MDGA2: variants seen among roughly 807,000 people sequenced by gnomAD.
MDGA2 encodes MAM domain-containing glycosylphosphatidylinositol anchor protein 2.
MDGA2 carries 40 observed loss-of-function variants against 117.8 expected under a neutral mutation model. The observed-to-expected ratio is 0.34, with a 90% CI of 0.26 to 0.44. The LOEUF is 0.44. Ranked by LOEUF, MDGA2 falls within the 20% of genes least tolerant of loss-of-function variation. The probability of loss-of-function intolerance (pLI) is 1.00; values close to 1 mark genes in which losing one functional copy is unlikely to be tolerated. For synonymous variants in MDGA2, 452 were observed against 439.0 expected (o/e 1.03, Z -0.37); for missense variants, 1,123 against 1,250.6 (o/e 0.90, Z 1.54).
At chr14:47,506,785 C>T (rs1369160317) in intron 1 of MDGA2, among the ~76,000 whole-genome samples, 5 of 152,094 alleles carry the variant, frequency 3.3e-5, no homozygotes, top group Admixed American at 1.3e-4. Flanking sequence ...GAAGCTGAGG[C>T]GGGAGGATCA....
At chr14:47,402,706 T>C (rs938849739) in intron 1 of MDGA2, among the ~76,000 whole-genome samples, 1 of 152,220 alleles carries the variant, frequency 6.6e-6, no homozygotes, top group African/African-American at 2.4e-5. Context: ...AAATATCATA[T>C]GCATGTATGT....
intron 8 of MDGA2, among the ~76,000 whole-genome samples, chr14:46,960,868 T>A (rs996713617): frequency 7.1e-6 from 1 of 141,438 alleles, no homozygotes; most frequent in Non-Finnish European, 1.5e-5. Context: ...ATATTTTATA[T>A]ATACACATGT....
intron 10 of MDGA2, among the ~76,000 whole-genome samples, chr14:46,914,001 C>T (rs927266654): frequency 1.3e-5 from 2 of 151,886 alleles, no homozygotes; most frequent in Non-Finnish European, 2.9e-5. Context: ...ATAAAATATC[C>T]TACTTTCCAA....
rs1413830926 is a variant in MDGA2, at chr14:47,578,425, T to A, written c.280+96092A>T. Among the ~76,000 whole-genome samples the A allele has an allele frequency of 7.2e-5, 11 of 152,154 alleles. No individual in the cohort carries two copies. In the South Asian group the frequency reaches 1.2e-3, roughly 17 times the overall value. ...GGAACTTAAAGTAAAATAAAAAATT[T>A]AAAAAAAGAAATAAACTGCTTGAGC... On this transcript the variant is annotated intron_variant, in intron 1 of 16. Coordinates refer to ENST00000399232, the MANE Select transcript of MDGA2 (RefSeq NM_001113498.3).
In MDGA2 at chr14:46,841,880, T is replaced by A. The variant is rs761277005; in HGVS notation, c.*51A>T. The A allele has an allele frequency of 9.7e-6, 12 of 1,235,140 alleles. No homozygotes were observed. In the East Asian group the frequency reaches 2.4e-4, roughly 24 times the overall value. 76.5% of individuals were successfully genotyped at this position (1,235,140 alleles called of 1,614,324 possible). On this transcript the variant is annotated 3_prime_UTR_variant, in exon 17 of 17. Transcript: ENST00000399232. ...TTCAATGTCCATTTACAAAGACTCT[T>A]TCTTCATGCCAGTGCCTGGTGAATC...
intron 1 of MDGA2, among the ~76,000 whole-genome samples, chr14:47,460,201 G>T (rs553158973): frequency 6.6e-6 from 1 of 152,018 alleles, no homozygotes; most frequent in African/African-American, 2.4e-5. Flanking sequence ...ATATTCTGAG[G>T]ACATCTTGTT....
At chr14:47,089,414 C>T (rs1891026695) in intron 6 of MDGA2, among the ~76,000 whole-genome samples, 1 of 151,996 alleles carries the variant, frequency 6.6e-6, no homozygotes, top group Non-Finnish European at 1.5e-5. Flanking sequence ...CTCACTCTGT[C>T]TCCCAGGCTG....
intron 1 of MDGA2, among the ~76,000 whole-genome samples, chr14:47,605,439 G>A (rs778763766): frequency 3.3e-5 from 5 of 152,126 alleles, no homozygotes; most frequent in East Asian, 1.9e-4. Context: ...ATAGACACAC[G>A]GGAATGGATG....
chr14:46,842,709 T>C (rs1189884591), intron 16 of MDGA2, among the ~76,000 whole-genome samples: 1 of 152,168 alleles, frequency 6.6e-6, no homozygotes, highest in East Asian at 1.9e-4. Context: ...ATAACACAGA[T>C]ATAATTCATT....
At chr14:47,309,609 C>T (rs924994252) in intron 1 of MDGA2, among the ~76,000 whole-genome samples, 1 of 151,970 alleles carries the variant, frequency 6.6e-6, no homozygotes, top group East Asian at 1.9e-4. Flanking sequence ...TAAATTAAAT[C>T]CAGAAGCTTC....
intron 1 of MDGA2, among the ~76,000 whole-genome samples, chr14:47,377,818 C>T (rs1333846636): frequency 6.6e-6 from 1 of 152,166 alleles, no homozygotes; most frequent in African/African-American, 2.4e-5. Flanking sequence ...GCAGCAGAAA[C>T]TTCAGACTTA....
chr14:46,928,190 A>G (rs1395184010), intron 9 of MDGA2, among the ~76,000 whole-genome samples: 1 of 152,168 alleles, frequency 6.6e-6, no homozygotes, highest in Non-Finnish European at 1.5e-5. Context: ...ATTAATCTGG[A>G]AAACTTTTTT....
chr14:47,145,581 A>G (rs1215107757), intron 3 of MDGA2, among the ~76,000 whole-genome samples: 1 of 152,168 alleles, frequency 6.6e-6, no homozygotes, highest in East Asian at 1.9e-4. Flanking sequence ...TGCTGTGTTC[A>G]TTACCACCTT....
At chr14:47,660,903 G>C (rs914672835) in intron 1 of MDGA2, among the ~76,000 whole-genome samples, 2 of 151,992 alleles carry the variant, frequency 1.3e-5, no homozygotes, top group African/African-American at 4.8e-5. Context: ...TTATATGAGA[G>C]AGAGTCCTCA....
intron 4 of MDGA2, among the ~76,000 whole-genome samples, chr14:47,143,520 A>C (rs2139199835): frequency 6.6e-6 from 1 of 152,276 alleles, no homozygotes; most frequent in South Asian, 2.1e-4. Context: ...TTTATGTAAA[A>C]TTAATTCAAC....
At chr14:47,106,532 C>T (rs192828821) in intron 5 of MDGA2, among the ~76,000 whole-genome samples, 77,742 of 150,294 alleles carry the variant, frequency 0.52, 20,466 homozygotes, top group African/African-American at 0.64. Context: ...CCCATCTGTG[C>T]GGGACCCCAC....
At chr14:47,495,191 C>T (rs934187966) in intron 1 of MDGA2, among the ~76,000 whole-genome samples, 1 of 152,030 alleles carries the variant, frequency 6.6e-6, no homozygotes, top group Non-Finnish European at 1.5e-5. Flanking sequence ...ACCACCTGTT[C>T]TCACTTATAA....
chr14:47,224,895 C>T (rs1886429784), intron 2 of MDGA2, among the ~76,000 whole-genome samples: 1 of 152,156 alleles, frequency 6.6e-6, no homozygotes, highest in East Asian at 1.9e-4. Context: ...AATAGGTTCT[C>T]TTTGAATTAC....
At chr14:47,613,492 C>CACACACAT (rs1896891916) in intron 1 of MDGA2, among the ~76,000 whole-genome samples, 1 of 151,648 alleles carries the variant, frequency 6.6e-6, no homozygotes, top group African/African-American at 2.4e-5. Flanking sequence ...CACACACACA[C>CACACACAT]ACACACACAC....
Sources: allele counts gnomAD v4.1 joint callset (sites outside exome capture counted in the v4.1 genomes callset), GRCh38; gene constraint gnomAD v4.1.1; transcripts MANE v1.5; gene names NCBI Gene and HGNC (gene_info 2026-07-23, HGNC 2026-07-21).